INSC: variants seen among roughly 807,000 people sequenced by gnomAD.
The protein encoded by INSC is INSC spindle orientation adaptor protein.
INSC carries 67 observed loss-of-function variants against 58.6 expected under a neutral mutation model. The ratio of observed to expected loss-of-function variants is 1.14; its 90% CI spans 0.94 to 1.40. INSC has a LOEUF of 1.40. INSC is among the 40% of genes most tolerant of loss of function. INSC has a pLI of 0.00. For missense variants in INSC, 714 were observed against 692.0 expected (o/e 1.03, Z -0.36); for synonymous variants, 262 against 276.1 (o/e 0.95, Z 0.51).
intron 5 of INSC, among the ~76,000 whole-genome samples, chr11:15,181,882 G>C (rs1223802694): frequency 6.6e-6 from 1 of 152,118 alleles, no homozygotes; most frequent in Non-Finnish European, 1.5e-5. Context: ...AAATATAATA[G>C]GAAGCAAATT....
At chr11:15,147,742 G>A (rs1848530964) in intron 1 of INSC, among the ~76,000 whole-genome samples, 1 of 152,160 alleles carries the variant, frequency 6.6e-6, no homozygotes, top group Non-Finnish European at 1.5e-5. Context: ...GCAAGTCTCT[G>A]GAATTATCTA....
At chr11:15,233,890 A>G (rs1824408777) in intron 9 of INSC, among the ~76,000 whole-genome samples, 1 of 152,120 alleles carries the variant, frequency 6.6e-6, no homozygotes, top group South Asian at 2.1e-4. Flanking sequence ...CAAACTCTAA[A>G]CTGACATGGA....
chr11:15,234,014 A>G (rs1329434745), intron 9 of INSC, among the ~76,000 whole-genome samples: 1 of 152,236 alleles, frequency 6.6e-6, no homozygotes, highest in South Asian at 2.1e-4. Context: ...CGCAATCTTA[A>G]AAAGTGCAAA....
upstream of INSC, chr11:15,112,647 T>TG (rs71044036): frequency 0.35 from 39,819 of 112,288 alleles, 11,193 homozygotes; most frequent in Admixed American, 0.45. Context: ...TATTGGGAAG[T>TG]GGGGGGGGGG....
Position 15,149,144 on chromosome 11 carries a change from C to A in INSC, c.-31C>A, listed in dbSNP as rs750182258. On this transcript the variant is annotated 5_prime_UTR_variant, in exon 2 of 13. Coordinates refer to ENST00000379556, the MANE Select transcript of INSC (RefSeq NM_001042536.3). ...TCTATTTTCAGGGTCACGACCGCTGCAAGCAGGCTTTGCTGCAGATTGGGA... is the reference window on the plus strand; with the variant it reads ...TCTATTTTCAGGGTCACGACCGCTGAAAGCAGGCTTTGCTGCAGATTGGGA... 6.2e-7 allele frequency: 1 copy of A among 1,609,978 alleles called. No homozygotes were observed. Among genetic ancestry groups the A allele is most frequent in the Non-Finnish European group, 8.5e-7 (1 of 1,178,190 alleles).
intron 2 of INSC, among the ~76,000 whole-genome samples, chr11:15,172,249 T>C (rs1328318280): frequency 1.3e-5 from 2 of 152,212 alleles, no homozygotes; most frequent in East Asian, 1.9e-4. Context: ...TCTATGTCTT[T>C]AGAACACAAT....
At chr11:15,259,397 T>G in the INSC span, among the ~76,000 whole-genome samples, 2 of 152,356 alleles carry the variant, frequency 1.3e-5, no homozygotes, top group Admixed American at 1.3e-4. Flanking sequence ...TTGAAAGCTA[T>G]TCTATAGATA....
chr11:15,151,207 C>T (rs1236285398), intron 2 of INSC, among the ~76,000 whole-genome samples: 1 of 152,120 alleles, frequency 6.6e-6, no homozygotes, highest in African/African-American at 2.4e-5. Context: ...TCAGAGGCGG[C>T]AGTAGATTCT....
chr11:15,215,840 T>G (rs1342234243), intron 7 of INSC, among the ~76,000 whole-genome samples: 1 of 151,436 alleles, frequency 6.6e-6, no homozygotes, highest in Admixed American at 6.6e-5. Flanking sequence ...GTGAGGGAGG[T>G]GCATGCATGT....
intron 1 of INSC, among the ~76,000 whole-genome samples, chr11:15,121,224 C>T (rs1019929940): frequency 2.6e-5 from 4 of 152,182 alleles, no homozygotes; most frequent in African/African-American, 9.7e-5. Flanking sequence ...CAATCTCCCT[C>T]ACCTCAGTTA....
At chr11:15,208,041 A>G (rs999148610) in intron 7 of INSC, among the ~76,000 whole-genome samples, 21 of 152,152 alleles carry the variant, frequency 1.4e-4, no homozygotes, top group Admixed American at 1.3e-4. Context: ...CAAAGCTACT[A>G]CTTTCTTGCT....
At chr11:15,215,786 CA>C (rs1851193780) in intron 7 of INSC, among the ~76,000 whole-genome samples, 1 of 152,028 alleles carries the variant, frequency 6.6e-6, no homozygotes, top group African/African-American at 2.4e-5. Flanking sequence ...GAGGTCAGAC[CA>C]CAGTGATGTG....
At chr11:15,258,952 G>A in the INSC span, among the ~76,000 whole-genome samples, 2 of 152,134 alleles carry the variant, frequency 1.3e-5, no homozygotes, top group African/African-American at 4.8e-5. Flanking sequence ...GGACCATGTG[G>A]TAACAATACA....
At chr11:15,149,492 A>G (rs1219829948) in intron 2 of INSC, among the ~76,000 whole-genome samples, 1 of 152,212 alleles carries the variant, frequency 6.6e-6, no homozygotes, top group Non-Finnish European at 1.5e-5. Context: ...GAAACAAAGA[A>G]TCGAATGGGT....
chr11:15,148,962 C>A, intron 1 of INSC, 168 bp from the exon 2 acceptor site: 1 of 709,880 alleles, frequency 1.4e-6, no homozygotes. Flanking sequence ...TGGGTTCTGC[C>A]TTACTTGTGT....
chr11:15,258,676 G>C, the INSC span, among the ~76,000 whole-genome samples: 1 of 152,166 alleles, frequency 6.6e-6, no homozygotes, highest in Non-Finnish European at 1.5e-5. Context: ...ACTTCCTGGT[G>C]TAAGTTAGAA....
chr11:15,139,252 G>A (rs951497199), intron 1 of INSC, among the ~76,000 whole-genome samples: 1 of 152,090 alleles, frequency 6.6e-6, no homozygotes, highest in African/African-American at 2.4e-5. Context: ...TTTCTCTAAT[G>A]GCCTTTATCT....
At position 15,127,225 on chromosome 11, in the gene INSC, C is replaced by T. The variant is rs1848017632; in HGVS notation, c.-46+12222C>T. 2.6e-5 allele frequency among the ~76,000 whole-genome samples: 4 copies of T among 152,230 alleles called. No homozygotes were observed. The South Asian group carries it at 8.3e-4, about 32-fold the overall frequency. On this transcript the variant is annotated intron_variant, in intron 1 of 12. Transcript: ENST00000379556. ...GTGCTTGGTCTGGCCTGAGGCTGCT[C>T]CTGCAGGGACTTCACCAAACTCACA... is the stretch of plus-strand genomic sequence containing the variant.
At chr11:15,156,384 C>A (rs1304800521) in intron 2 of INSC, among the ~76,000 whole-genome samples, 1 of 152,164 alleles carries the variant, frequency 6.6e-6, no homozygotes, top group East Asian at 1.9e-4. Context: ...AGCTAAATTG[C>A]TGAAAACCAT....
Sources: gnomAD v4.1 joint callset for allele counts (sites outside exome capture counted in the v4.1 genomes callset) on GRCh38, gnomAD v4.1.1 for gene constraint, MANE v1.5 for transcripts, NCBI Gene and HGNC (gene_info 2026-07-23, HGNC 2026-07-21) for gene names.